The following RPH3A variants were observed in gnomAD, a reference collection of about 807,000 sequenced individuals.
The protein encoded by RPH3A is rabphilin-3A.
RPH3A carries 48 observed loss-of-function variants against 102.2 expected under a neutral mutation model. That is an observed-to-expected ratio of 0.47 (90% CI 0.37 to 0.60). The LOEUF (loss-of-function observed/expected upper bound fraction) is 0.60. Ranked by LOEUF, RPH3A falls within the 20% of genes least tolerant of loss-of-function variation. RPH3A has a pLI of 0.00. For synonymous variants in RPH3A, 310 were observed against 324.3 expected (o/e 0.96, Z 0.47); for missense variants, 781 against 910.1 (o/e 0.86, Z 1.83).
chr12:112,816,068 G>T (rs530967293), intron 2 of RPH3A, among the ~76,000 whole-genome samples: 1 of 152,304 alleles, frequency 6.6e-6, no homozygotes, highest in Admixed American at 6.5e-5. Context: ...CTATCCAGCA[G>T]GAGACATTCG....
At position 112,875,671 on chromosome 12, in the gene RPH3A, C is replaced by T. The variant is rs1454790918; in HGVS notation, c.884-8C>T. The stretch of plus-strand genomic sequence containing the variant: ...CTGCATCTCTGTTTGTCTCCTCTCC[C>T]TGCTCAGGGACCCCAGGAGGAAGCA... On this transcript the variant is annotated splice_region_variant and splice_polypyrimidine_tract_variant and intron_variant, in intron 11 of 21. Coordinates refer to ENST00000389385, the MANE Select transcript of RPH3A (RefSeq NM_001143854.2). 5.6e-6 allele frequency: 9 copies of T among 1,613,004 alleles called. No individual in the cohort carries two copies. Among genetic ancestry groups the T allele is most frequent in the Non-Finnish European group, 7.6e-6 (9 of 1,179,300 alleles).
At chr12:112,792,964 TG>T (rs111985837) in intron 2 of RPH3A, among the ~76,000 whole-genome samples, 5,836 of 152,212 alleles carry the variant, frequency 0.038, 254 homozygotes, top group Admixed American at 0.12. Context: ...AGTGATTGTA[TG>T]GGGGAGCGTC....
chr12:112,845,127 T>G (rs2136185481), intron 4 of RPH3A, among the ~76,000 whole-genome samples: 1 of 152,316 alleles, frequency 6.6e-6, no homozygotes, highest in Non-Finnish European at 1.5e-5. Flanking sequence ...CGGATCAGCC[T>G]TGATTCAGTA....
At chr12:112,637,596 T>C (rs555770065) in intron 1 of RPH3A, among the ~76,000 whole-genome samples, 4 of 152,302 alleles carry the variant, frequency 2.6e-5, no homozygotes, top group South Asian at 4.1e-4. Flanking sequence ...ACTCTGCATA[T>C]TATGCTAATA....
intron 1 of RPH3A, among the ~76,000 whole-genome samples, chr12:112,636,529 G>T (rs1385073556): frequency 6.6e-6 from 1 of 152,136 alleles, no homozygotes. Context: ...GTGGGGCCAG[G>T]TGTGCTAAAC....
intron 1 of RPH3A, among the ~76,000 whole-genome samples, chr12:112,775,250 A>G (rs149199085): frequency 6.6e-6 from 1 of 152,350 alleles, no homozygotes; most frequent in African/African-American, 2.4e-5. Context: ...TTTGGAAAAA[A>G]CCACAGGCTA....
At chr12:112,841,304 G>T (rs1330770396) in intron 4 of RPH3A, among the ~76,000 whole-genome samples, 3 of 151,938 alleles carry the variant, frequency 2.0e-5, no homozygotes, top group African/African-American at 7.3e-5. Flanking sequence ...TTAAGATGAG[G>T]GGGGCAGGGG....
At chr12:112,855,253 G>A (rs1196389926) in intron 5 of RPH3A, among the ~76,000 whole-genome samples, 1 of 152,214 alleles carries the variant, frequency 6.6e-6, no homozygotes, top group Middle Eastern at 3.2e-3. Flanking sequence ...AAATGGGAGT[G>A]AATAATAGAG....
chr12:112,845,857 G>A (rs1264428085), intron 4 of RPH3A, among the ~76,000 whole-genome samples: 1 of 152,164 alleles, frequency 6.6e-6, no homozygotes, highest in East Asian at 1.9e-4. Context: ...CTAGAGATGG[G>A]TGCAATGGAG....
intron 3 of RPH3A, among the ~76,000 whole-genome samples, chr12:112,833,497 C>T (rs2042001438): frequency 1.2e-5 from 1 of 81,542 alleles, no homozygotes; most frequent in Non-Finnish European, 2.9e-5. Flanking sequence ...CATTTTTCTT[C>T]AGAGATATTT....
intron 2 of RPH3A, among the ~76,000 whole-genome samples, chr12:112,824,652 C>G (rs953406403): frequency 6.6e-6 from 1 of 152,138 alleles, no homozygotes; most frequent in Non-Finnish European, 1.5e-5. Context: ...AGAGTCCAAT[C>G]CTGGGATGTT....
intron 1 of RPH3A, among the ~76,000 whole-genome samples, chr12:112,754,256 C>A (rs2040806221): frequency 6.6e-6 from 1 of 152,184 alleles, no homozygotes; most frequent in South Asian, 2.1e-4. Flanking sequence ...AGTTTATCAT[C>A]TGTAAAATGA....
intron 2 of RPH3A, among the ~76,000 whole-genome samples, chr12:112,823,287 A>G (rs1361991077): frequency 1.3e-5 from 2 of 152,252 alleles, no homozygotes; most frequent in Admixed American, 1.3e-4. Flanking sequence ...CTTTGGAGTC[A>G]GGGTCCAAAC....
chr12:112,624,265 C>T (rs2039755432), intron 1 of RPH3A, among the ~76,000 whole-genome samples: 1 of 150,884 alleles, frequency 6.6e-6, no homozygotes, highest in Non-Finnish European at 1.5e-5. Flanking sequence ...ATCAATGAAT[C>T]CAGGAGCTAG....
chr12:112,640,411 A>G (rs1208417183), intron 1 of RPH3A, among the ~76,000 whole-genome samples: 1 of 148,984 alleles, frequency 6.7e-6, no homozygotes, highest in Non-Finnish European at 1.5e-5. Flanking sequence ...CCACTGTACT[A>G]CACAGTCTCT....
intron 1 of RPH3A, chr12:112,717,875 G>T (rs1432971704): frequency 6.6e-6 from 1 of 152,112 alleles, no homozygotes; most frequent in South Asian, 2.1e-4. Context: ...GGTTCTAGAT[G>T]CTTCATGTCC....
chr12:112,869,600 C>G (rs771459266), intron 8 of RPH3A, 159 bp from the exon 9 acceptor site: 13 of 683,266 alleles, frequency 1.9e-5, no homozygotes, highest in Non-Finnish European at 2.9e-5. Flanking sequence ...AAATTGTAAA[C>G]AGGAGCTAGA....
chr12:112,582,821 T>C (rs374196442), intron 1 of RPH3A, among the ~76,000 whole-genome samples: 2 of 152,228 alleles, frequency 1.3e-5, no homozygotes, highest in East Asian at 3.8e-4. Context: ...ACATAACCAC[T>C]CTCTGGTTGG....
At chr12:112,774,062 G>GAAAAAAAAAAAAAAA (rs2040946570) in intron 1 of RPH3A, among the ~76,000 whole-genome samples, 2 of 35,294 alleles carry the variant, frequency 5.7e-5, no homozygotes, top group Admixed American at 2.8e-4. Context: ...TCCAGCCTGG[G>GAAAAAAAAAAAAAAA]CAAAAAAAAA....
Sources: allele counts gnomAD v4.1 joint callset (sites outside exome capture counted in the v4.1 genomes callset), GRCh38; gene constraint gnomAD v4.1.1; transcripts MANE v1.5; gene names NCBI Gene and HGNC (gene_info 2026-07-23, HGNC 2026-07-21).